Variants in HMGN5 observed in about 807,000 individuals in gnomAD.
HMGN5 encodes high mobility group nucleosome-binding domain-containing protein 5.
Under a neutral mutation model 9.5 loss-of-function variants are expected in HMGN5, and 4 were observed. The observed-to-expected ratio is 0.42, with a 90% CI of 0.21 to 0.96. The LOEUF (loss-of-function observed/expected upper bound fraction) is 0.96, where lower values mean the gene tolerates loss of function less well. Ranked by LOEUF, HMGN5 falls within the 40% of genes least tolerant of loss-of-function variation. The pLI is 0.30. For missense variants in HMGN5, 192 were observed against 187.5 expected (o/e 1.02, Z -0.14); for synonymous variants, 55 against 57.1 (o/e 0.96, Z 0.16).
chrX:81,178,103 G>C (rs751248786), intron 1 of HMGN5, among the ~76,000 whole-genome samples: 5 of 111,731 alleles, frequency 4.5e-5, no homozygotes, highest in African/African-American at 1.3e-4. Flanking sequence ...ATGCCCATAA[G>C]AGAAAGCAGG....
chrX:81,182,588 A>G (rs1261594012), intron 1 of HMGN5, among the ~76,000 whole-genome samples: 4 of 112,091 alleles, frequency 3.6e-5, no homozygotes, highest in Non-Finnish European at 1.9e-5. Context: ...TGCTCCTGCC[A>G]TGTAAGACAC....
chrX:81,192,224 A>G (rs142453625), intron 1 of HMGN5, among the ~76,000 whole-genome samples: 4 of 111,742 alleles, frequency 3.6e-5, no homozygotes, highest in African/African-American at 1.3e-4. Context: ...TCTATTTTTC[A>G]AGAGATGAGA....
At chrX:81,162,173 T>C (rs1356005796) in intron 1 of HMGN5, among the ~76,000 whole-genome samples, 1 of 110,694 alleles carries the variant, frequency 9.0e-6, no homozygotes, top group Non-Finnish European at 1.9e-5. Context: ...CACAGCAGCC[T>C]CACAGGGAGC....
At position 81,146,278 on chromosome X, in the gene HMGN5, G is replaced by T. The variant is rs927685653; in HGVS notation, c.-123-24606C>A. 1.4e-4 allele frequency among the ~76,000 whole-genome samples: 16 copies of T among 111,660 alleles called. 1 individual carries two copies. The highest frequency in any genetic ancestry group is 1.4e-3 in the Admixed American group (15 of 10,471). On this transcript the variant is annotated intron_variant, in intron 1 of 6. Coordinates refer to ENST00000358130, the MANE Select transcript of HMGN5 (RefSeq NM_030763.3). ...AAAACACTCCTCAGCAAAGGCAAAA[G>T]AATGAAAATCATAACAGTCTCTCAG...
intron 1 of HMGN5, among the ~76,000 whole-genome samples, chrX:81,181,196 TAAAA>T (rs772474331): frequency 9.0e-6 from 1 of 111,603 alleles, no homozygotes; most frequent in Admixed American, 9.5e-5. Flanking sequence ...TACAGTATAA[TAAAA>T]AAACATTAAA....
At chrX:81,149,032 A>G (rs1178243675) in intron 1 of HMGN5, among the ~76,000 whole-genome samples, 1 of 111,938 alleles carries the variant, frequency 8.9e-6, no homozygotes, top group Non-Finnish European at 1.9e-5. Context: ...TGTTGGTGAG[A>G]GTGTAAATTA....
chrX:81,143,070 G>A (rs968482689), intron 1 of HMGN5, among the ~76,000 whole-genome samples: 5 of 110,872 alleles, frequency 4.5e-5, no homozygotes, highest in African/African-American at 9.8e-5. Flanking sequence ...AGCTTAAAGC[G>A]ATTGGATATT....
chrX:81,200,706 G>A (rs2075523787), intron 1 of HMGN5, among the ~76,000 whole-genome samples: 1 of 111,194 alleles, frequency 9.0e-6, no homozygotes, highest in African/African-American at 3.3e-5. Context: ...GGGGCCAGTC[G>A]GGGGGTGGGG....
intron 1 of HMGN5, among the ~76,000 whole-genome samples, chrX:81,177,899 G>A (rs760456391): frequency 6.9e-4 from 77 of 111,985 alleles, no homozygotes; most frequent in Non-Finnish European, 1.3e-3. Context: ...TAGAACTCAC[G>A]ATTAAGAAAC....
intron 1 of HMGN5, among the ~76,000 whole-genome samples, chrX:81,169,266 C>T (rs1335269416): frequency 1.8e-5 from 2 of 111,771 alleles, no homozygotes; most frequent in African/African-American, 6.5e-5. Context: ...GCCTATTAAC[C>T]AAGCTTACAG....
intron 1 of HMGN5, among the ~76,000 whole-genome samples, chrX:81,148,761 C>G (rs1164082502): frequency 1.8e-5 from 2 of 110,969 alleles, no homozygotes; most frequent in East Asian, 5.7e-4. Context: ...CTAGAATCTA[C>G]AAAGAACTTA....
rs1028805326 is a variant in HMGN5, at chrX:81,179,472, A to G, written c.-124+22265T>C. Among the ~76,000 whole-genome samples, 6 of 111,498 alleles carry G rather than the reference A, an allele frequency of 5.4e-5. No individual in the cohort carries two copies. The Admixed American group carries it at 5.7e-4, about 11-fold the overall frequency. On this transcript the variant is annotated intron_variant, in intron 1 of 6. Coordinates refer to ENST00000358130, the MANE Select transcript of HMGN5 (RefSeq NM_030763.3). Reference sequence around the variant, plus strand: ...TCACAATTGCTAAAAAGAGAATAAAATACCTAGGAATCCAACTTACAAGGG... The same window carrying G: ...TCACAATTGCTAAAAAGAGAATAAAGTACCTAGGAATCCAACTTACAAGGG...
intron 1 of HMGN5, among the ~76,000 whole-genome samples, chrX:81,162,553 T>C (rs1481459114): frequency 2.7e-5 from 3 of 111,334 alleles, no homozygotes; most frequent in Non-Finnish European, 5.7e-5. Flanking sequence ...TATGAACTAG[T>C]GACTGCTGCA....
At chrX:81,193,380 A>G (rs748337109) in intron 1 of HMGN5, among the ~76,000 whole-genome samples, 5 of 112,333 alleles carry the variant, frequency 4.5e-5, no homozygotes, top group Non-Finnish European at 9.4e-5. Context: ...ACACAAATAA[A>G]GAAACCTCCA....
chrX:81,117,569 A>G (rs1431983459), intron 5 of HMGN5, among the ~76,000 whole-genome samples: 1 of 111,293 alleles, frequency 9.0e-6, no homozygotes, highest in Non-Finnish European at 1.9e-5. Context: ...AAAAGAAAAT[A>G]TGCTGTATTT....
chrX:81,148,177 C>T (rs1263400895), intron 1 of HMGN5, among the ~76,000 whole-genome samples: 1 of 111,976 alleles, frequency 8.9e-6, no homozygotes, highest in Admixed American at 9.5e-5. Context: ...ATAGCCAAGA[C>T]AATCCTAAGC....
At chrX:81,118,854 A>G (rs1395766545) in intron 3 of HMGN5, 95 bp from the exon 4 acceptor site, 1 of 534,585 alleles carries the variant, frequency 1.9e-6, no homozygotes, top group African/African-American at 2.4e-5. Context: ...GTAACAATAC[A>G]TAAATATTGT....
chrX:81,161,306 G>A (rs1359214298), intron 1 of HMGN5, among the ~76,000 whole-genome samples: 1 of 110,851 alleles, frequency 9.0e-6, no homozygotes, highest in Non-Finnish European at 1.9e-5. Flanking sequence ...CCCAACTAAT[G>A]GCTAGCATTT....
chrX:81,163,191 T>C (rs931857304), intron 1 of HMGN5, among the ~76,000 whole-genome samples: 1 of 112,053 alleles, frequency 8.9e-6, no homozygotes, highest in African/African-American at 3.2e-5. Flanking sequence ...TGACTGATAC[T>C]CAGCATCCTC....
Sources: gnomAD v4.1 joint callset for allele counts (sites outside exome capture counted in the v4.1 genomes callset) on GRCh38, gnomAD v4.1.1 for gene constraint, MANE v1.5 for transcripts, NCBI Gene and HGNC (gene_info 2026-07-23, HGNC 2026-07-21) for gene names.